Variants in TTYH1 observed in about 807,000 individuals in gnomAD.
TTYH1 encodes the protein tweety family member 1.
TTYH1 carries 33 observed loss-of-function variants against 61.2 expected under a neutral mutation model. The ratio of observed to expected loss-of-function variants is 0.54; its 90% CI spans 0.41 to 0.72. The LOEUF (loss-of-function observed/expected upper bound fraction) is 0.72. Ranked by LOEUF, TTYH1 falls within the 30% of genes least tolerant of loss-of-function variation. The pLI is 0.00. For missense variants in TTYH1, 538 were observed against 575.8 expected (o/e 0.93, Z 0.67); for synonymous variants, 308 against 266.4 (o/e 1.16, Z -1.52).
Position 54,419,378 on chromosome 19 carries a change from T to A in TTYH1, c.305+72T>A. 1.4e-6 allele frequency: 2 copies of A among 1,464,866 alleles called. No individual in the cohort carries two copies. The highest frequency in any genetic ancestry group is 1.9e-6 in the Non-Finnish European group (2 of 1,077,990). The allele number at this position is 1,464,866 out of a possible 1,614,324, so 90.7% of individuals were successfully genotyped here. A position where few individuals can be genotyped will look rare whatever the true frequency, so the allele number is the denominator to read the frequency against. ...AGCTCTTTGCTGGCCTTCCTGGGGG[T>A]GTCCTCCGGGGACATGGAGGAAGCA... On this transcript the variant is annotated intron_variant, in intron 2 of 13. Coordinates refer to ENST00000376530, the MANE Select transcript of TTYH1 (RefSeq NM_020659.4). This position sits in a 1 kb window ranked among gnomAD's most constrained non-coding sequence, Gnocchi z 6.1.
At position 54,429,830 on chromosome 19, in the gene TTYH1, G is replaced by T; in HGVS notation, c.808-52G>T. On this transcript the variant is annotated intron_variant, in intron 6 of 13. Coordinates refer to ENST00000376530, the MANE Select transcript of TTYH1 (RefSeq NM_020659.4). The surrounding 1 kb of genome is among the most constrained non-coding windows in gnomAD (Gnocchi z 5.1). ...GCCAGGCACTGGGTGCTGTGGGAGTGTGGAATCGGGGCAGTTTTGGGTTTG... is the reference window on the plus strand; with the variant it reads ...GCCAGGCACTGGGTGCTGTGGGAGTTTGGAATCGGGGCAGTTTTGGGTTTG... 1 of 1,529,186 alleles carries T rather than the reference G, an allele frequency of 6.5e-7. No individual in the cohort carries two copies. The highest frequency in any genetic ancestry group is 9.0e-7 in the Non-Finnish European group (1 of 1,105,992). The allele number at this position is 1,529,186 out of a possible 1,614,324, so 94.7% of individuals were successfully genotyped here.
intron 4 of TTYH1, among the ~76,000 whole-genome samples, chr19:54,422,655 C>A (rs1024241126): frequency 6.6e-6 from 1 of 152,016 alleles, no homozygotes; most frequent in African/African-American, 2.4e-5. Context: ...TGGCCAGGCG[C>A]GGTGGCTCAG....
intron 1 of TTYH1, among the ~76,000 whole-genome samples, chr19:54,417,315 GCA>G (rs1050518450): frequency 2.0e-5 from 3 of 149,138 alleles, no homozygotes; most frequent in African/African-American, 7.5e-5. Context: ...ACACTCACAT[GCA>G]CACACTCAGA....
intron 11 of TTYH1, 65 bp from the exon 12 acceptor site, chr19:54,435,762 TG>T (rs1174215084): frequency 2.0e-5 from 32 of 1,610,090 alleles, no homozygotes; most frequent in Non-Finnish European, 2.6e-5. Flanking sequence ...GCAGTGGGGG[TG>T]GGGGGTGCAG....
intron 4 of TTYH1, among the ~76,000 whole-genome samples, chr19:54,424,017 C>T (rs1171369719): frequency 5.9e-5 from 9 of 152,116 alleles, no homozygotes; most frequent in South Asian, 4.2e-4. Flanking sequence ...AAAAATTAGC[C>T]GGGCGTGGTG....
At position 54,430,617 on chromosome 19, in the gene TTYH1, G is replaced by T; in HGVS notation, c.939+12G>T. On this transcript the variant is annotated intron_variant, in intron 8 of 13. Transcript: ENST00000376530. ...ACCCCTTCCAACAGGTTAGGGCTGC[G>T]GGCAGGGGAAACGGGTGTTGAGGGA... is the stretch of plus-strand genomic sequence containing the variant. The T allele has an allele frequency of 3.1e-6, 5 of 1,613,866 alleles. No homozygotes were observed. The South Asian group carries it at 3.3e-5, about 11-fold the overall frequency.
rs1450751434 is a variant in TTYH1 at position 54,434,157 on chromosome 19, T to C, written c.1126-1385T>C. The C allele has an allele frequency of 1.3e-5, 2 of 152,368 alleles. No homozygotes were observed. The highest frequency in any genetic ancestry group is 6.5e-5 in the Admixed American group (1 of 15,278). 9.4% of individuals were successfully genotyped at this position (152,368 alleles called of 1,614,324 possible). A position where few individuals can be genotyped will look rare whatever the true frequency, so the allele number is the denominator to read the frequency against. ...CCACCGCTGTTCCTACCACCATTGC[T>C]GTGCCCTGGTCCCCGCATCCTAGCC... is the stretch of plus-strand genomic sequence containing the variant. On this transcript the variant is annotated intron_variant, in intron 10 of 13. Transcript: ENST00000376530. This position sits in a 1 kb window ranked among gnomAD's most constrained non-coding sequence, Gnocchi z 4.3.
rs1404266832 is a variant in TTYH1, at chr19:54,430,274, G to A, written c.884-276G>A. Among the ~76,000 whole-genome samples the A allele has an allele frequency of 4.6e-5, 7 of 152,348 alleles. 1 individual carries two copies. The East Asian group carries it at 1.3e-3, about 29-fold the overall frequency. On this transcript the variant is annotated intron_variant, in intron 7 of 13. Transcript: ENST00000376530. ...GGGTCAGGAGAGGGTGCTCCTGGGC[G>A]TCAGGAATGGGGAGTTTGGCCCCCT...
rs1378837209 is a variant in TTYH1, at chr19:54,416,471, A to T, written c.126+793A>T. ...TTTAATTCAAGTCCTTGACTTCGAG[A>T]TTAATGAGGAGAAAGGCTTGGCTGA... On this transcript the variant is annotated intron_variant, in intron 1 of 13. Coordinates refer to ENST00000376530, the MANE Select transcript of TTYH1 (RefSeq NM_020659.4). This position sits in a 1 kb window ranked among gnomAD's most constrained non-coding sequence, Gnocchi z 7.0. The T allele has an allele frequency of 7.0e-6, 2 of 285,522 alleles. No individual in the cohort carries two copies. The highest frequency in any genetic ancestry group is 4.6e-5 in the African/African-American group (2 of 43,518). The allele number at this position is 285,522 out of a possible 1,614,324, so 17.7% of individuals were successfully genotyped here. A position where few individuals can be genotyped will look rare whatever the true frequency, so the allele number is the denominator to read the frequency against.
chr19:54,428,079 GTTTTTT>G (rs936820982), intron 5 of TTYH1, among the ~76,000 whole-genome samples: 5 of 62,478 alleles, frequency 8.0e-5, no homozygotes, highest in Admixed American at 4.6e-4. Flanking sequence ...TCCCGGCTAA[GTTTTTT>G]TTTTTTTTTT....
intron 10 of TTYH1, 31 bp from the exon 11 acceptor site, chr19:54,435,511 G>A (rs1453800064): frequency 5.8e-6 from 9 of 1,562,062 alleles, no homozygotes; most frequent in Non-Finnish European, 7.8e-6. Context: ...AGGGGGTGGG[G>A]ACGCATGGCC....
At position 54,415,721 on chromosome 19, in the gene TTYH1, G is replaced by A. The variant is rs1478847101; in HGVS notation, c.126+43G>A. ...GGCCTGGGGGCCAGGGCTGGGGGCC[G>A]GAGCTCCTGGGTCCCGAGGGAGAAG... On this transcript the variant is annotated intron_variant, in intron 1 of 13. Transcript: ENST00000376530. This position sits in a 1 kb window ranked among gnomAD's most constrained non-coding sequence, Gnocchi z 5.2. 9.5e-6 allele frequency: 14 copies of A among 1,479,696 alleles called. No homozygotes were observed. The highest frequency in any genetic ancestry group is 1.3e-5 in the Non-Finnish European group (14 of 1,113,706). The allele number at this position is 1,479,696 out of a possible 1,614,324, so 91.7% of individuals were successfully genotyped here. A position where few individuals can be genotyped will look rare whatever the true frequency, so the allele number is the denominator to read the frequency against.
At chr19:54,417,572 A>G (rs1399872690) in intron 1 of TTYH1, among the ~76,000 whole-genome samples, 1 of 150,312 alleles carries the variant, frequency 6.7e-6, no homozygotes, top group Admixed American at 6.6e-5. Flanking sequence ...GTGACTCACA[A>G]CACACACATA....
intron 1 of TTYH1, among the ~76,000 whole-genome samples, chr19:54,417,539 T>C (rs1036330536): frequency 2.1e-5 from 3 of 145,032 alleles, no homozygotes; most frequent in African/African-American, 8.2e-5. Flanking sequence ...CAATCACACA[T>C]ATGCACACGC....
intron 10 of TTYH1, chr19:54,432,466 A>G (rs141105710): frequency 0.011 from 1,626 of 152,402 alleles, 12 homozygotes; most frequent in Middle Eastern, 0.02. Context: ...CCAAGGTCAC[A>G]CGGCCAGCCA....
intron 5 of TTYH1, among the ~76,000 whole-genome samples, chr19:54,427,514 G>A (rs371657027): frequency 1.3e-4 from 20 of 151,504 alleles, no homozygotes; most frequent in East Asian, 9.7e-4. Context: ...TGAGGCAGGA[G>A]AATCGCTTGA....
Position 54,416,626 on chromosome 19 carries a change from G to A in TTYH1, c.126+948G>A. ...GGGAGAAGGGGGCTGGGATTGGAGA[G>A]CTCAGGGGGCGTGGAGGGGGTCCCA... On this transcript the variant is annotated intron_variant, in intron 1 of 13. Transcript: ENST00000376530. The surrounding 1 kb of genome is among the most constrained non-coding windows in gnomAD (Gnocchi z 7.0). 2 of 658,500 alleles carry A rather than the reference G, an allele frequency of 3.0e-6. No homozygotes were observed. The highest frequency in any genetic ancestry group is 4.5e-6 in the Non-Finnish European group (2 of 447,208). The allele number at this position is 658,500 out of a possible 1,614,324, so 40.8% of individuals were successfully genotyped here.
intron 10 of TTYH1, chr19:54,432,727 C>G (rs1239916010): frequency 1.3e-5 from 2 of 152,216 alleles, no homozygotes; most frequent in Non-Finnish European, 2.9e-5. Context: ...GCAAACCACT[C>G]TGCTATAAGT....
chr19:54,415,996 C>T lies in TTYH1; in HGVS notation c.126+318C>T, dbSNP rs1340792396. 10 of 1,336,348 alleles carry T rather than the reference C, an allele frequency of 7.5e-6. No individual in the cohort carries two copies. The highest frequency in any genetic ancestry group is 2.0e-4 in the Middle Eastern group (1 of 4,932). The allele number at this position is 1,336,348 out of a possible 1,614,324, so 82.8% of individuals were successfully genotyped here. A position where few individuals can be genotyped will look rare whatever the true frequency, so the allele number is the denominator to read the frequency against. On this transcript the variant is annotated intron_variant, in intron 1 of 13. Transcript: ENST00000376530. This position sits in a 1 kb window ranked among gnomAD's most constrained non-coding sequence, Gnocchi z 5.2. ...GATACCTGCCTGGGAAGCCGGCCTCCAGGGTCATCGGGAGGGTAGGTCTAC... is the reference window on the plus strand; with the variant it reads ...GATACCTGCCTGGGAAGCCGGCCTCTAGGGTCATCGGGAGGGTAGGTCTAC...
Sources: gnomAD v4.1 joint callset for allele counts (sites outside exome capture counted in the v4.1 genomes callset) on GRCh38, gnomAD v4.1.1 for gene constraint, Gnocchi (gnomAD v3.1) non-coding constraint, MANE v1.5 for transcripts, NCBI Gene and HGNC (gene_info 2026-07-23, HGNC 2026-07-21) for gene names.